ZNF667: variants seen among roughly 807,000 people sequenced by gnomAD.
ZNF667 encodes myocardial ischemic preconditioning upregulated 1 ortholog.
In ZNF667, 13 loss-of-function variants were observed where a neutral mutation model predicts 31.8. The observed-to-expected ratio is 0.41, with a 90% CI of 0.27 to 0.65. The LOEUF (loss-of-function observed/expected upper bound fraction) is 0.65. ZNF667 is among the 30% of genes least tolerant of loss of function. ZNF667 has a pLI of 0.32. For synonymous variants in ZNF667, 228 were observed against 247.1 expected, an observed-to-expected ratio of 0.92 and a Z score of 0.73; for missense variants, 642 against 725.6, an observed-to-expected ratio of 0.88 and a Z score of 1.32.
At chr19:56,462,692 T>C (rs902621430) in intron 3 of ZNF667, among the ~76,000 whole-genome samples, 2 of 152,178 alleles carry the variant, frequency 1.3e-5, no homozygotes, top group Admixed American at 1.3e-4. Context: ...TGGCCATCCA[T>C]CTGACAAGTA....
chr19:56,440,537 C>T lies in ZNF667; in HGVS notation c.*625G>A, dbSNP rs761061260. 1.2e-4 allele frequency: 116 copies of T among 944,642 alleles called. No individual in the cohort carries two copies. The Middle Eastern group carries it at 2.7e-3, about 22-fold the overall frequency. The allele number at this position is 944,642 out of a possible 1,614,324, so 58.5% of individuals were successfully genotyped here. On this transcript the variant is annotated 3_prime_UTR_variant, in exon 7 of 7. Coordinates refer to ENST00000504904, the MANE Select transcript of ZNF667 (RefSeq NM_001321356.2). ...AGACTCAAATTCTTTTTTCTGTGACCTTAAATCAGGCTCAGAGCCCTATAA... is the reference window on the plus strand; with the variant it reads ...AGACTCAAATTCTTTTTTCTGTGACTTTAAATCAGGCTCAGAGCCCTATAA...
Position 56,460,674 on chromosome 19 carries a change from G to A in ZNF667, c.160+15C>T, listed in dbSNP as rs940712458. ...AATAGGCTGGTTCTGGATTGTGGGGGACGAAGAGCCTTACCAAGCGAGACC... is the reference window on the plus strand; with the variant it reads ...AATAGGCTGGTTCTGGATTGTGGGGAACGAAGAGCCTTACCAAGCGAGACC... On this transcript the variant is annotated intron_variant, in intron 5 of 6. Coordinates refer to ENST00000504904, the MANE Select transcript of ZNF667 (RefSeq NM_001321356.2). 6.2e-7 allele frequency: 1 copy of A among 1,607,988 alleles called. No homozygotes were observed. Among genetic ancestry groups the A allele is most frequent in the Non-Finnish European group, 8.5e-7 (1 of 1,177,102 alleles).
At chr19:56,471,241 T>C (rs60732696) in intron 3 of ZNF667, among the ~76,000 whole-genome samples, 31,319 of 152,082 alleles carry the variant, frequency 0.21, 3,986 homozygotes, top group African/African-American at 0.35. Flanking sequence ...AGTTTCCTGA[T>C]GCCTCCCTGA....
intron 6 of ZNF667, among the ~76,000 whole-genome samples, chr19:56,455,530 C>G (rs1008622519): frequency 6.6e-6 from 1 of 152,156 alleles, no homozygotes; most frequent in East Asian, 1.9e-4. Context: ...CACAGACAAC[C>G]TTCACATGTT....
chr19:56,462,320 A>G lies in ZNF667; in HGVS notation c.33+18T>C. 6.2e-7 allele frequency: 1 copy of G among 1,614,214 alleles called. No homozygotes were observed. Among genetic ancestry groups the G allele is most frequent in the Non-Finnish European group, 8.5e-7 (1 of 1,180,018 alleles). On this transcript the variant is annotated intron_variant, in intron 4 of 6. Coordinates refer to ENST00000504904, the MANE Select transcript of ZNF667 (RefSeq NM_001321356.2). Reference sequence around the variant, plus strand: ...GACACGATGGGGTGTTCCGGAAGGAAGAGGAATTGCCACTTACCTTGGATT... The same window carrying G: ...GACACGATGGGGTGTTCCGGAAGGAGGAGGAATTGCCACTTACCTTGGATT...
chr19:56,466,704 T>C (rs3745825), intron 3 of ZNF667, among the ~76,000 whole-genome samples: 1,588 of 152,254 alleles, frequency 0.01, 72 homozygotes, highest in Admixed American at 0.089. Flanking sequence ...AGAAAATTTA[T>C]AGACACACAG....
At chr19:56,456,171 A>G (rs1361546870) in intron 6 of ZNF667, among the ~76,000 whole-genome samples, 1 of 152,352 alleles carries the variant, frequency 6.6e-6, no homozygotes, top group Middle Eastern at 3.4e-3. Context: ...ATTTTACTAA[A>G]TAAAGAGAGA....
chr19:56,458,137 T>C lies in ZNF667; in HGVS notation c.253+18A>G. ...CCCCAGTAGACTGAGACATATGCCTTGGTTCTCTGTCACTCACCAGGAGCC... is the reference window on the plus strand; with the variant it reads ...CCCCAGTAGACTGAGACATATGCCTCGGTTCTCTGTCACTCACCAGGAGCC... On this transcript the variant is annotated intron_variant, in intron 6 of 6. Transcript: ENST00000504904. 6.2e-7 allele frequency: 1 copy of C among 1,611,184 alleles called. No homozygotes were observed. Among genetic ancestry groups the C allele is most frequent in the Non-Finnish European group, 8.5e-7 (1 of 1,177,230 alleles).
At chr19:56,475,279 A>C (rs1024767863) in intron 1 of ZNF667, 1 of 152,208 alleles carries the variant, frequency 6.6e-6, no homozygotes, top group Non-Finnish European at 1.5e-5. Context: ...AATCCATGGT[A>C]GGCACTCACT....
chr19:56,475,601 T>C (rs987816248), intron 1 of ZNF667: 1 of 152,134 alleles, frequency 6.6e-6, no homozygotes, highest in Non-Finnish European at 1.5e-5. Flanking sequence ...CAACATCCTA[T>C]AATACATAGA....
chr19:56,456,764 G>A (rs1318761660), intron 6 of ZNF667, among the ~76,000 whole-genome samples: 1 of 152,032 alleles, frequency 6.6e-6, no homozygotes, highest in African/African-American at 2.4e-5. Flanking sequence ...TTATAATAAC[G>A]ATGAAATCCA....
At chr19:56,444,424 G>T (rs1026961286) in intron 6 of ZNF667, 4 of 392,162 alleles carry the variant, frequency 1.0e-5, no homozygotes, top group African/African-American at 6.2e-5. Flanking sequence ...CCAAGGGAAT[G>T]GTGCTAAGCC....
rs148122657 is a variant in ZNF667 at position 56,441,417 on chromosome 19, T to C, written c.1578A>G (p.Pro526=). The part of the protein sequence containing the change: ...QHERIHTGEK[P]YTCKTCGKAF... ...CCTTACCACATGTTTTGCATGTATA[T>C]GGCTTCTCTCCAGTGTGAATTCTTT... Residue 526 remains proline, a synonymous_variant, in exon 7 of 7, where the codon CCA becomes CCG. Coordinates refer to ENST00000504904, the MANE Select transcript of ZNF667 (RefSeq NM_001321356.2). The surrounding 1 kb of genome is among the most constrained non-coding windows in gnomAD (Gnocchi z 4.2). 4.2e-5 allele frequency: 68 copies of C among 1,614,068 alleles called. No individual in the cohort carries two copies. The highest frequency in any genetic ancestry group is 1.6e-4 in the Middle Eastern group (1 of 6,084).
chr19:56,454,078 AT>A (rs935513503), intron 6 of ZNF667, among the ~76,000 whole-genome samples: 3 of 152,200 alleles, frequency 2.0e-5, no homozygotes, highest in African/African-American at 7.2e-5. Flanking sequence ...AAGTAATCCC[AT>A]TTACAATAGC....
At chr19:56,442,831 CACA>C (rs958776827) in intron 6 of ZNF667, 90 bp from the exon 7 acceptor site, 192 of 1,412,612 alleles carry the variant, frequency 1.4e-4, no homozygotes, top group Admixed American at 5.0e-4. Context: ...CATTATTAAT[CACA>C]ACAACAATTA....
intron 3 of ZNF667, among the ~76,000 whole-genome samples, chr19:56,465,339 T>A (rs1446366814): frequency 1.3e-5 from 2 of 152,196 alleles, no homozygotes; most frequent in Non-Finnish European, 2.9e-5. Context: ...CAGAGTTAGG[T>A]AATGGATATG....
At chr19:56,450,349 C>T (rs1032455093) in intron 6 of ZNF667, among the ~76,000 whole-genome samples, 9 of 152,060 alleles carry the variant, frequency 5.9e-5, no homozygotes, top group Admixed American at 2.0e-4. Flanking sequence ...AAACATTTAT[C>T]CTGGAATATT....
chr19:56,441,120 T>G lies in ZNF667; in HGVS notation c.*42A>C. 1 of 1,552,726 alleles carries G rather than the reference T, an allele frequency of 6.4e-7. No homozygotes were observed. Among genetic ancestry groups the G allele is most frequent in the Non-Finnish European group, 8.7e-7 (1 of 1,150,300 alleles). On this transcript the variant is annotated 3_prime_UTR_variant, in exon 7 of 7. Coordinates refer to ENST00000504904, the MANE Select transcript of ZNF667 (RefSeq NM_001321356.2). This position sits in a 1 kb window ranked among gnomAD's most constrained non-coding sequence, Gnocchi z 4.2. Reference sequence around the variant, plus strand: ...TAGACAAATACATATTTGCCATATGTTTGATAGCCTCATTCGTTGATTTTA... The same window carrying G: ...TAGACAAATACATATTTGCCATATGGTTGATAGCCTCATTCGTTGATTTTA...
At chr19:56,444,019 G>A (rs756476739) in intron 6 of ZNF667, 18 of 380,780 alleles carry the variant, frequency 4.7e-5, no homozygotes, top group Non-Finnish European at 7.9e-5. Context: ...GCCAGACTGT[G>A]AAAATTTACT....
Sources: gnomAD v4.1 joint callset for allele counts (sites outside exome capture counted in the v4.1 genomes callset) on GRCh38, gnomAD v4.1.1 for gene constraint, Gnocchi (gnomAD v3.1) non-coding constraint, MANE v1.5 for transcripts, NCBI Gene and HGNC (gene_info 2026-07-23, HGNC 2026-07-21) for gene names.